The following MRPL48 variants were observed in gnomAD, a reference collection of about 807,000 sequenced individuals.
MRPL48 encodes the protein large ribosomal subunit protein mL48.
In MRPL48, 16 loss-of-function variants were observed where a neutral mutation model predicts 32.9. The ratio of observed to expected loss-of-function variants is 0.49; its 90% CI spans 0.33 to 0.74. The LOEUF (loss-of-function observed/expected upper bound fraction) is 0.74, where lower values mean the gene tolerates loss of function less well. MRPL48 is among the 30% of genes least tolerant of loss of function. The probability of loss-of-function intolerance (pLI) is 0.02; values close to 1 mark genes in which losing one functional copy is unlikely to be tolerated. For synonymous variants in MRPL48, 94 were observed against 89.2 expected, an observed-to-expected ratio of 1.05 and a Z score of -0.31; for missense variants, 206 against 245.3, an observed-to-expected ratio of 0.84 and a Z score of 1.07.
chr11:73,810,138 C>A (rs187863810), intron 3 of MRPL48, among the ~76,000 whole-genome samples: 1 of 152,296 alleles, frequency 6.6e-6, no homozygotes, highest in Admixed American at 6.5e-5. Context: ...TTAGATTCAA[C>A]TTTTGTTAAC....
chr11:73,820,399 A>G (rs146478085), intron 3 of MRPL48, among the ~76,000 whole-genome samples: 1,569 of 152,116 alleles, frequency 0.01, 26 homozygotes, highest in African/African-American at 0.036. Context: ...TAATTTTTGT[A>G]TTTTTAGTAG....
intron 3 of MRPL48, among the ~76,000 whole-genome samples, chr11:73,822,466 T>C (rs1947800514): frequency 6.6e-6 from 1 of 152,226 alleles, no homozygotes; most frequent in Admixed American, 6.5e-5. Context: ...TCTTTGTAAC[T>C]GTCTCAGTGT....
chr11:73,819,004 A>G (rs1008023739), intron 3 of MRPL48, among the ~76,000 whole-genome samples: 1 of 152,226 alleles, frequency 6.6e-6, no homozygotes, highest in Non-Finnish European at 1.5e-5. Context: ...GGAGGCTGCA[A>G]TGTTAATGTG....
chr11:73,831,223 C>T (rs1265654775), intron 4 of MRPL48, among the ~76,000 whole-genome samples: 1 of 152,038 alleles, frequency 6.6e-6, no homozygotes, highest in Non-Finnish European at 1.5e-5. Flanking sequence ...GTCCTTGATG[C>T]TTTTTTGAGG....
chr11:73,794,190 A>ATCTATCTG (rs57974546), intron 1 of MRPL48, among the ~76,000 whole-genome samples: 1,579 of 146,786 alleles, frequency 0.011, 13 homozygotes, highest in African/African-American at 0.028. Context: ...CCCTGTATCT[A>ATCTATCTG]TCTATCTATC....
At chr11:73,840,293 G>A (rs1283966377) in intron 4 of MRPL48, among the ~76,000 whole-genome samples, 1 of 152,138 alleles carries the variant, frequency 6.6e-6, no homozygotes, top group East Asian at 1.9e-4. Context: ...AGGAGTTTGA[G>A]ACCAGCCTGT....
chr11:73,824,355 C>T (rs1033078099), intron 3 of MRPL48, among the ~76,000 whole-genome samples: 5 of 151,518 alleles, frequency 3.3e-5, no homozygotes, highest in Non-Finnish European at 5.9e-5. Flanking sequence ...TTTGGGTGGC[C>T]GAGGTGGGCG....
chr11:73,858,308 ATTAC>A (rs1948521183), intron 5 of MRPL48, among the ~76,000 whole-genome samples: 1 of 152,242 alleles, frequency 6.6e-6, no homozygotes, highest in Non-Finnish European at 1.5e-5. Flanking sequence ...ATGCCAGGCA[ATTAC>A]TTATGTAATC....
intron 6 of MRPL48, 29 bp from the exon 7 acceptor site, chr11:73,863,143 C>T: frequency 1.3e-6 from 2 of 1,554,258 alleles, no homozygotes; most frequent in Non-Finnish European, 1.7e-6. Flanking sequence ...CTCCTCCCAC[C>T]TCTTAGAGCA....
At chr11:73,824,623 C>G (rs1947850304) in intron 3 of MRPL48, among the ~76,000 whole-genome samples, 1 of 151,922 alleles carries the variant, frequency 6.6e-6, no homozygotes, top group Non-Finnish European at 1.5e-5. Flanking sequence ...ATTCTATGCT[C>G]TTCCTCTTTG....
intron 4 of MRPL48, among the ~76,000 whole-genome samples, chr11:73,826,028 T>G (rs893876602): frequency 3.3e-5 from 5 of 151,812 alleles, no homozygotes; most frequent in African/African-American, 1.2e-4. Flanking sequence ...TTATTTTTAT[T>G]TTTTTTTGAG....
chr11:73,807,934 C>T (rs959113783), intron 2 of MRPL48, among the ~76,000 whole-genome samples: 10 of 152,178 alleles, frequency 6.6e-5, no homozygotes, highest in African/African-American at 1.7e-4. Flanking sequence ...CCGCTGCGCC[C>T]GGCCACTTCT....
intron 3 of MRPL48, chr11:73,817,953 C>A: frequency 5.4e-6 from 1 of 184,738 alleles, no homozygotes; most frequent in Non-Finnish European, 1.2e-5. Flanking sequence ...TACAGGTATG[C>A]GCTACCATGC....
Position 73,860,759 on chromosome 11 carries a change from A to G in MRPL48, c.474+750A>G, listed in dbSNP as rs572458642. On this transcript the variant is annotated intron_variant, in intron 6 of 7. Transcript: ENST00000310614. The stretch of plus-strand genomic sequence containing the variant: ...ACAATTTACCAATTTGAAGTATACA[A>G]TAAAAACGGTTTTTAGTATAGCCAA... 7.2e-5 allele frequency among the ~76,000 whole-genome samples: 11 copies of G among 152,322 alleles called. No homozygotes were observed. The East Asian group carries it at 1.9e-3, about 27-fold the overall frequency.
At chr11:73,829,128 G>A (rs983362871) in intron 4 of MRPL48, among the ~76,000 whole-genome samples, 3 of 151,930 alleles carry the variant, frequency 2.0e-5, no homozygotes, top group African/African-American at 4.8e-5. Context: ...CCACTCTCCC[G>A]GATACCACGC....
At chr11:73,813,560 A>G (rs1238217707) in intron 3 of MRPL48, among the ~76,000 whole-genome samples, 2 of 152,142 alleles carry the variant, frequency 1.3e-5, no homozygotes. Flanking sequence ...GTTCTTATAT[A>G]TTAAGGAAAT....
At chr11:73,793,190 T>C (rs1435348781) in intron 1 of MRPL48, among the ~76,000 whole-genome samples, 1 of 152,180 alleles carries the variant, frequency 6.6e-6, no homozygotes, top group Non-Finnish European at 1.5e-5. Context: ...CTCAGCCTTC[T>C]AAGTAGCTGG....
At chr11:73,789,466 C>T (rs1947107967) in intron 1 of MRPL48, 1 of 152,188 alleles carries the variant, frequency 6.6e-6, no homozygotes, top group Non-Finnish European at 1.5e-5. Flanking sequence ...CTTTAGTCAG[C>T]TAACCTCGTC....
At chr11:73,829,958 C>T (rs546945749) in intron 4 of MRPL48, among the ~76,000 whole-genome samples, 5 of 152,096 alleles carry the variant, frequency 3.3e-5, no homozygotes, top group South Asian at 2.1e-4. Context: ...ATGGGGGTCT[C>T]GCCATGTTAC....
Sources: allele counts gnomAD v4.1 joint callset (sites outside exome capture counted in the v4.1 genomes callset), GRCh38; gene constraint gnomAD v4.1.1; transcripts MANE v1.5; gene names NCBI Gene and HGNC (gene_info 2026-07-23, HGNC 2026-07-21).